Variants in CTC1 observed in about 807,000 individuals in gnomAD.
CTC1 encodes the protein CST telomere replication complex component 1.
In CTC1, 91 loss-of-function variants were observed where a neutral mutation model predicts 136.3. That is an observed-to-expected ratio of 0.67 (90% CI 0.56 to 0.79). CTC1 has a LOEUF of 0.79. Ranked by LOEUF, CTC1 falls within the 30% of genes least tolerant of loss-of-function variation. The pLI, the probability that CTC1 is intolerant of heterozygous loss-of-function variation, is 0.00. For synonymous variants in CTC1, 606 were observed against 613.8 expected (o/e 0.99, Z 0.19); for missense variants, 1,432 against 1,498.1 (o/e 0.96, Z 0.73).
In CTC1 at chr17:8,228,303, C is replaced by A; in HGVS notation, c.3531G>T (p.Gln1177His). ...AAGGGAGCTCTCCACACTGGAATCG[C>A]TGTAGCCGAGGAGGTTCTGAGGTGG... Reference protein sequence around the residue: ...KIVPLEPPRLQRFQCGELPFL... With the variant: ...KIVPLEPPRLHRFQCGELPFL... Residue 1177 changes from glutamine to histidine, a missense_variant, in exon 23 of 23, where the codon CAG becomes CAT. Transcript: ENST00000651323. 1.2e-6 allele frequency: 2 copies of A among 1,614,110 alleles called. No homozygotes were observed. The highest frequency in any genetic ancestry group is 1.7e-6 in the Non-Finnish European group (2 of 1,180,012).
At chr17:8,246,658 G>A (rs1430600486) in intron 1 of CTC1, among the ~76,000 whole-genome samples, 1 of 152,070 alleles carries the variant, frequency 6.6e-6, no homozygotes, top group African/African-American at 2.4e-5. Context: ...AGGCCAAGGC[G>A]GGCAGATCAC....
rs1987555788 is a variant in CTC1 at position 8,234,791 on chromosome 17, G to A, written c.1575C>T (p.His525=). The A allele has an allele frequency of 2.5e-6, 4 of 1,609,706 alleles. No individual in the cohort carries two copies. Among genetic ancestry groups the A allele is most frequent in the Non-Finnish European group, 3.4e-6 (4 of 1,177,822 alleles). ...GATGTGGCTCTTCAAGGATCTCATT[G>A]TGTGCATTCCGAACAGGGCTGCCTG... The part of the protein sequence containing the change: ...APPGSPVRNA[H]NEILEEPHHC... The change falls in exon 9 of 23, where the codon CAC becomes CAT. Residue 525 remains histidine, a synonymous_variant. Transcript: ENST00000651323.
rs371670247 is a variant in CTC1 at position 8,230,623 on chromosome 17, C to T, written c.2698G>A (p.Ala900Thr). The change falls in exon 16 of 23, where the codon GCT becomes ACT. Residue 900 changes from alanine (A) to threonine (T), a missense_variant. Coordinates refer to ENST00000651323, the MANE Select transcript of CTC1 (RefSeq NM_025099.6). ...NFTDSLVSFS[A>T]EILSRTLCEP... ...CATAGTGTCCGTGACAAAATCTCAG[C>T]GGAGAAAGACACCAAGGAATCTGTG... 1.9e-5 allele frequency: 31 copies of T among 1,613,884 alleles called. No homozygotes were observed. The highest frequency in any genetic ancestry group is 4.5e-5 in the East Asian group (2 of 44,900).
intron 5 of CTC1, among the ~76,000 whole-genome samples, chr17:8,236,647 T>C (rs1987755344): frequency 6.6e-6 from 1 of 152,188 alleles, no homozygotes; most frequent in South Asian, 2.1e-4. Context: ...CAACATTCAT[T>C]CATGTAATCA....
intron 1 of CTC1, among the ~76,000 whole-genome samples, chr17:8,245,851 G>T (rs200087640): frequency 0.042 from 5,625 of 132,390 alleles, 37 homozygotes; most frequent in East Asian, 0.13. Context: ...AGGATCACCT[G>T]AGCCTGGGAA....
intron 1 of CTC1, among the ~76,000 whole-genome samples, chr17:8,246,884 G>A (rs1218551696): frequency 1.3e-5 from 2 of 151,004 alleles, no homozygotes; most frequent in Non-Finnish European, 3.0e-5. Context: ...CCAGCCTGGT[G>A]ACAAAGCTAG....
Position 8,238,080 on chromosome 17 carries a change from G to C in CTC1, c.598C>G (p.Pro200Ala). Residue 200 changes from proline to alanine, a missense_variant, in exon 4 of 23, where the codon CCT becomes GCT. By Grantham distance (27) the Pro-to-Ala change is conservative. Transcript: ENST00000651323. ...PLTISPGPVT[P>A]IPVLYPESAS... ...CTCTCTGGGTAGAGGACAGGGATAG[G>C]CGTGACGGGGCCAGGACTGATGGTC... 6.2e-7 allele frequency: 1 copy of C among 1,614,146 alleles called. No individual in the cohort carries two copies. Among genetic ancestry groups the C allele is most frequent in the Non-Finnish European group, 8.5e-7 (1 of 1,180,024 alleles).
In CTC1 at chr17:8,228,509, G is replaced by A. The variant is rs1334122309; in HGVS notation, c.3508C>T (p.Pro1170Ser). 1.2e-6 allele frequency: 2 copies of A among 1,613,976 alleles called. No individual in the cohort carries two copies. The highest frequency in any genetic ancestry group is 1.7e-6 in the Non-Finnish European group (2 of 1,179,996). The change falls in exon 22 of 23, where the codon CCA (proline) becomes TCA (serine). Residue 1170 changes from proline (P) to serine (S), a missense_variant. Transcript: ENST00000651323. ...ELERKPSKIV[P>S]LEPPRLQRFQ... is the part of the protein sequence containing the mutation. ...CCCCCGTCTCCAACCTTACCTAATG[G>A]GACGATCTTCGACGGTTTCCTTTCC...
chr17:8,235,549 A>T (rs1987641375), intron 7 of CTC1, among the ~76,000 whole-genome samples: 1 of 152,046 alleles, frequency 6.6e-6, no homozygotes, highest in Admixed American at 6.6e-5. Context: ...GGGTCGCCTG[A>T]GATCACCCCA....
intron 11 of CTC1, 180 bp from the exon 12 acceptor site, chr17:8,232,655 T>C: frequency 1.5e-6 from 1 of 669,824 alleles, no homozygotes; most frequent in East Asian, 2.6e-5. Context: ...AAACTAAGAA[T>C]GTAGGAGACA....
At chr17:8,242,033 TATTA>T (rs747603602) in intron 2 of CTC1, among the ~76,000 whole-genome samples, 17 of 151,046 alleles carry the variant, frequency 1.1e-4, no homozygotes, top group Non-Finnish European at 1.8e-4. Context: ...TGATTATTAT[TATTA>T]TTTTTTTTTA....
rs2151496576 is a variant in CTC1 at position 8,228,186 on chromosome 17, G to C, written c.3648C>G (p.Ser1216=). Residue 1216 remains serine, a synonymous_variant, in exon 23 of 23, where the codon TCC becomes TCG. Coordinates refer to ENST00000651323, the MANE Select transcript of CTC1 (RefSeq NM_025099.6). The part of the protein sequence containing the change: ...YSSSLGILAS[S]C ...GGCCATCCTTGCAGTTCAGTTAACA[G>C]GAGGAAGCAAGGATCCCCAGAGAGC... 6.2e-7 allele frequency: 1 copy of C among 1,613,892 alleles called. No homozygotes were observed. Among genetic ancestry groups the C allele is most frequent in the Non-Finnish European group, 8.5e-7 (1 of 1,179,854 alleles).
chr17:8,234,814 C>T lies in CTC1; in HGVS notation c.1552G>A (p.Gly518Ser). 1.2e-6 allele frequency: 2 copies of T among 1,613,156 alleles called. No homozygotes were observed. The highest frequency in any genetic ancestry group is 1.7e-6 in the Non-Finnish European group (2 of 1,179,538). ...TTGTGTGCATTCCGAACAGGGCTGC[C>T]TGGCGGAGCTAGAAGATCCAGGGTA... ...APTLDLLAPP[G>S]SPVRNAHNEI... Residue 518 changes from glycine to serine, a missense_variant, in exon 9 of 23, where the codon GGC becomes AGC. Physicochemically the swap from Gly to Ser is moderately conservative, Grantham distance 56. Coordinates refer to ENST00000651323, the MANE Select transcript of CTC1 (RefSeq NM_025099.6).
chr17:8,247,927 G>A (rs1331378769), intron 1 of CTC1, 77 bp downstream of exon 1: 26 of 1,481,038 alleles, frequency 1.8e-5, no homozygotes, highest in Non-Finnish European at 2.3e-5. Flanking sequence ...GAGAGACAAG[G>A]CAGAGGAAAT....
At chr17:8,233,782 A>G (rs969478002) in intron 10 of CTC1, among the ~76,000 whole-genome samples, 1 of 151,984 alleles carries the variant, frequency 6.6e-6, no homozygotes, top group Non-Finnish European at 1.5e-5. Context: ...AAATAAAAAA[A>G]TAAAATTAGC....
rs1215600600 is a variant in CTC1 at position 8,235,215 on chromosome 17, C to T, written c.1277G>A (p.Arg426His). Residue 426 changes from arginine (R) to histidine (H), a missense_variant, in exon 8 of 23, where the codon CGT (arginine) becomes CAT (histidine). Physicochemically the swap from Arg to His is conservative, Grantham distance 29. Coordinates refer to ENST00000651323, the MANE Select transcript of CTC1 (RefSeq NM_025099.6). ...TRRPVLAPCL[R>H]GAVLLQSFSR... The stretch of plus-strand genomic sequence containing the variant: ...GAAGCTTTGAAGCAGAACGGCGCCA[C>T]GGAGGCAGGGGGCGAGCACTGGCCT... 12 of 1,614,126 alleles carry T rather than the reference C, an allele frequency of 7.4e-6. No homozygotes were observed. Among genetic ancestry groups the T allele is most frequent in the East Asian group, 4.5e-5 (2 of 44,880 alleles).
At chr17:8,237,627 T>G in intron 4 of CTC1, 108 bp from the exon 5 acceptor site, 1 of 544,228 alleles carries the variant, frequency 1.8e-6, no homozygotes, top group South Asian at 2.0e-5. Context: ...ATCCCGCCAT[T>G]GGACTCCAGC....
At chr17:8,229,268 A>G (rs1242737872) in intron 19 of CTC1, 34 bp downstream of exon 19, 2 of 1,614,158 alleles carry the variant, frequency 1.2e-6, no homozygotes, top group Admixed American at 1.7e-5. Context: ...CTGGCACTCC[A>G]TACTCAGTTC....
Position 8,228,488 on chromosome 17 carries a change from C to G in CTC1, c.3514+15G>C. On this transcript the variant is annotated intron_variant, in intron 22 of 22. Coordinates refer to ENST00000651323, the MANE Select transcript of CTC1 (RefSeq NM_025099.6). ...GATCCCCCTATCATCATGATCCCCC[C>G]GTCTCCAACCTTACCTAATGGGACG... 1 of 1,614,088 alleles carries G rather than the reference C, an allele frequency of 6.2e-7. No individual in the cohort carries two copies. Among genetic ancestry groups the G allele is most frequent in the Non-Finnish European group, 8.5e-7 (1 of 1,179,998 alleles).
Sources: gnomAD v4.1 joint callset for allele counts (sites outside exome capture counted in the v4.1 genomes callset) on GRCh38, gnomAD v4.1.1 for gene constraint, MANE v1.5 for transcripts, NCBI Gene and HGNC (gene_info 2026-07-23, HGNC 2026-07-21) for gene names.